The following RGPD4 variants were observed in gnomAD, a reference collection of about 807,000 sequenced individuals.
RGPD4 encodes ranBP2-like and GRIP domain-containing protein 4.
A neutral mutation model predicts 141.1 loss-of-function variants in RGPD4; 84 were observed. The observed-to-expected ratio is 0.60, with a 90% CI of 0.50 to 0.71. The LOEUF (loss-of-function observed/expected upper bound fraction) is 0.71. Ranked by LOEUF, RGPD4 falls within the 30% of genes least tolerant of loss-of-function variation. RGPD4 has a pLI of 0.00. For missense variants in RGPD4, 918 were observed against 1,622.4 expected (o/e 0.57, Z 7.46); for synonymous variants, 298 against 566.8 (o/e 0.53, Z 6.74).
chr2:107,880,197 T>C, intron 21 of RGPD4, 90 bp downstream of exon 21: 2 of 1,582,226 alleles, frequency 1.3e-6, no homozygotes, highest in Middle Eastern at 2.3e-4. Flanking sequence ...AAAATTCACA[T>C]TGCAGATGCA....
In RGPD4 at chr2:107,871,051, A is replaced by T. The variant is rs201976481; in HGVS notation, c.3047A>T (p.Asn1016Ile). The T allele has an allele frequency of 5.2e-5, 84 of 1,611,040 alleles. No individual in the cohort carries two copies. Among genetic ancestry groups the T allele is most frequent in the Admixed American group, 8.3e-5 (5 of 59,926 alleles). Residue 1016 changes from asparagine to isoleucine, a missense_variant, in exon 20 of 23, where the codon AAC becomes ATC. Coordinates refer to ENST00000408999, the MANE Select transcript of RGPD4 (RefSeq NM_182588.3). ...SQCGKMANKA[N>I]TSGDFEKDDD... ...TGCGGTAAAATGGCCAATAAAGCAA[A>T]CACTTCCGGTGACTTTGAGAAAGAT...
chr2:107,880,549 C>A (rs1181610231), intron 21 of RGPD4, among the ~76,000 whole-genome samples: 2 of 151,762 alleles, frequency 1.3e-5, no homozygotes, highest in African/African-American at 2.4e-5. Flanking sequence ...AGGCGTGAGC[C>A]ACTGCATCCA....
chr2:107,857,829 T>A (rs2104454029), intron 9 of RGPD4, among the ~76,000 whole-genome samples: 1 of 151,350 alleles, frequency 6.6e-6, no homozygotes, highest in Non-Finnish European at 1.5e-5. Context: ...CCGTCTCTAC[T>A]AAAAATACAA....
chr2:107,882,732 A>T lies in RGPD4; in HGVS notation c.5125A>T (p.Asn1709Tyr). 1 of 1,611,690 alleles carries T rather than the reference A, an allele frequency of 6.2e-7. No homozygotes were observed. Among genetic ancestry groups the T allele is most frequent in the South Asian group, 1.1e-5 (1 of 90,992 alleles). Residue 1709 changes from asparagine (N) to tyrosine (Y), a missense_variant, in exon 22 of 23, where the codon AAC becomes TAC. Asn to Tyr is a moderately radical substitution (Grantham distance 143). Coordinates refer to ENST00000408999, the MANE Select transcript of RGPD4 (RefSeq NM_182588.3). ...TCAAGAGCAAGAGGAGTCTGCAGCT[A>T]ACGTGGAACACTTGAAGAACGTCTT... ...RNQEQEESAA[N>Y]VEHLKNVLLQ...
At chr2:107,829,497 C>T (rs1426891921) in intron 1 of RGPD4, among the ~76,000 whole-genome samples, 1 of 103,056 alleles carries the variant, frequency 9.7e-6, no homozygotes, top group African/African-American at 3.9e-5. Flanking sequence ...TCATGGCTAC[C>T]GACGGGCGCT....
rs781192139 is a variant in RGPD4 at position 107,880,115 on chromosome 2, C to T, written c.5064+8C>T. 10 of 1,611,380 alleles carry T rather than the reference C, an allele frequency of 6.2e-6. No individual in the cohort carries two copies. Among genetic ancestry groups the T allele is most frequent in the African/African-American group, 1.3e-5 (1 of 74,406 alleles). ...CTTATGGAGCAAATTAAGGTGAGAT[C>T]AGAAAACCTGGCCACCATGAAAACT... On this transcript the variant is annotated splice_region_variant and intron_variant, in intron 21 of 22. Transcript: ENST00000408999.
intron 22 of RGPD4, among the ~76,000 whole-genome samples, chr2:107,885,463 T>C (rs142813552): frequency 0.014 from 2,133 of 152,238 alleles, 51 homozygotes; most frequent in African/African-American, 0.048. Flanking sequence ...GTGGCTCCTA[T>C]AAGTTAAGGG....
chr2:107,845,768 G>C (rs865849879), intron 6 of RGPD4, among the ~76,000 whole-genome samples: 4,231 of 146,324 alleles, frequency 0.029, 45 homozygotes, highest in African/African-American at 0.1. Flanking sequence ...GTGTCACCTT[G>C]TTAGCCAGGA....
Position 107,890,905 on chromosome 2 carries a change from A to G in RGPD4, c.*174A>G. The G allele has an allele frequency of 1.5e-6, 1 of 665,756 alleles. No individual in the cohort carries two copies. The highest frequency in any genetic ancestry group is 2.0e-5 in the South Asian group (1 of 50,984). 41.2% of individuals were successfully genotyped at this position (665,756 alleles called of 1,614,324 possible). ...TGTGTATATGTTTGCATTTACATAT[A>G]TTTGTACATCTATATGACAGATGTA... On this transcript the variant is annotated 3_prime_UTR_variant, in exon 23 of 23. Coordinates refer to ENST00000408999, the MANE Select transcript of RGPD4 (RefSeq NM_182588.3).
chr2:107,831,818 G>C (rs550171921), intron 1 of RGPD4, among the ~76,000 whole-genome samples: 1 of 144,438 alleles, frequency 6.9e-6, no homozygotes, highest in Admixed American at 6.9e-5. Context: ...TGATCCGCCC[G>C]CCTCAGCCTC....
intron 6 of RGPD4, among the ~76,000 whole-genome samples, chr2:107,844,830 GT>G (rs1222283120): frequency 0.12 from 3,167 of 26,180 alleles, 18 homozygotes; most frequent in Middle Eastern, 0.2. Flanking sequence ...TTTCTTTTTT[GT>G]TTTTTTTTTT....
intron 1 of RGPD4, among the ~76,000 whole-genome samples, chr2:107,828,019 G>C (rs1681292774): frequency 1.5e-5 from 1 of 68,050 alleles, no homozygotes; most frequent in Non-Finnish European, 3.0e-5. Context: ...CCCGGCGGCG[G>C]CCGCGATGGC....
At chr2:107,863,363 TG>T (rs1209116754) in intron 17 of RGPD4, among the ~76,000 whole-genome samples, 7 of 108,392 alleles carry the variant, frequency 6.5e-5, no homozygotes, top group Admixed American at 4.6e-4. Flanking sequence ...GATTTTTCCA[TG>T]TTGCCCAGGG....
In RGPD4 at chr2:107,880,041, A is replaced by G. The variant is rs752824850; in HGVS notation, c.4998A>G (p.Ala1666=). ...AGCTCAGTTCCACCACAAAAAGTGC[A>G]GATCACTTAAACGGCCTGCTTCGGG... The part of the protein sequence containing the change: ...VQKLSSTTKS[A]DHLNGLLREA... The change falls in exon 21 of 23, where the codon GCA becomes GCG. Residue 1666 remains alanine, a synonymous_variant. Transcript: ENST00000408999. 1 of 1,611,504 alleles carries G rather than the reference A, an allele frequency of 6.2e-7. No homozygotes were observed. Among genetic ancestry groups the G allele is most frequent in the East Asian group, 2.2e-5 (1 of 44,868 alleles).
chr2:107,857,979 A>C (rs1682386308), intron 9 of RGPD4, among the ~76,000 whole-genome samples: 1 of 152,072 alleles, frequency 6.6e-6, no homozygotes, highest in Admixed American at 6.5e-5. Flanking sequence ...ACAGAGCGAG[A>C]CTTCGTCTCA....
chr2:107,831,272 G>A (rs1402054379), intron 1 of RGPD4, among the ~76,000 whole-genome samples: 36 of 148,470 alleles, frequency 2.4e-4, no homozygotes, highest in African/African-American at 6.9e-4. Flanking sequence ...CTGTCAAGTC[G>A]GTTTCTTATT....
chr2:107,885,416 G>A (rs1014889697), intron 22 of RGPD4, among the ~76,000 whole-genome samples: 1 of 152,094 alleles, frequency 6.6e-6, no homozygotes, highest in Non-Finnish European at 1.5e-5. Context: ...TCTTTTAAAA[G>A]CTCAGCATGT....
chr2:107,845,270 G>A (rs916953428), intron 6 of RGPD4, among the ~76,000 whole-genome samples: 33 of 92,576 alleles, frequency 3.6e-4, no homozygotes, highest in African/African-American at 1.2e-3. Flanking sequence ...ACAGAGTCTC[G>A]CTCTGTCACC....
At chr2:107,827,150 C>G (rs1429461242) in intron 1 of RGPD4, 65 bp downstream of exon 1, 32 of 554,312 alleles carry the variant, frequency 5.8e-5, no homozygotes, top group Middle Eastern at 1.8e-3. Flanking sequence ...TCGACCTGGC[C>G]CGGCGGCGGC....
Sources: gnomAD v4.1 joint callset for allele counts (sites outside exome capture counted in the v4.1 genomes callset) on GRCh38, gnomAD v4.1.1 for gene constraint, MANE v1.5 for transcripts, NCBI Gene and HGNC (gene_info 2026-07-23, HGNC 2026-07-21) for gene names.